C2orf42: variants seen among roughly 807,000 people sequenced by gnomAD.
C2orf42 encodes the protein chromosome 2 open reading frame 42, also known as uncharacterized protein C2orf42.
C2orf42 carries 44 observed loss-of-function variants against 58.9 expected under a neutral mutation model. The observed-to-expected ratio is 0.75, with a 90% CI of 0.59 to 0.96. The LOEUF is 0.96. Ranked by LOEUF, C2orf42 falls within the 40% of genes least tolerant of loss-of-function variation. The pLI is 0.00. For missense variants in C2orf42, 630 were observed against 699.2 expected (o/e 0.90, Z 1.12); for synonymous variants, 239 against 265.4 (o/e 0.90, Z 0.97).
At chr2:70,188,886 T>G (rs549519527) in intron 1 of C2orf42, among the ~76,000 whole-genome samples, 16 of 152,210 alleles carry the variant, frequency 1.1e-4, no homozygotes, top group Admixed American at 9.8e-4. Flanking sequence ...ATATTTTGAT[T>G]TGATATTCTG....
At chr2:70,161,292 G>A (rs1331195253) in intron 8 of C2orf42, among the ~76,000 whole-genome samples, 1 of 152,198 alleles carries the variant, frequency 6.6e-6, no homozygotes, top group East Asian at 1.9e-4. Flanking sequence ...CGGGCAAAAT[G>A]CAGTTAATGC....
chr2:70,152,927 G>C (rs1012669530), intron 9 of C2orf42, among the ~76,000 whole-genome samples: 1 of 151,860 alleles, frequency 6.6e-6, no homozygotes. Context: ...CAGCTACTCA[G>C]AAGGCTGAGA....
rs575321928 is a variant in C2orf42 at position 70,157,387 on chromosome 2, G to C, written c.1516+3238C>G. ...GAGAATGGCGTGAACCCCAGGGGGC[G>C]GAGCCTGCAGTGAGCCGAGATCGCA... On this transcript the variant is annotated intron_variant, in intron 9 of 9. Coordinates refer to ENST00000264434, the MANE Select transcript of C2orf42 (RefSeq NM_017880.3). 4.6e-5 allele frequency among the ~76,000 whole-genome samples: 7 copies of C among 152,116 alleles called. No individual in the cohort carries two copies. The South Asian group carries it at 1.0e-3, about 23-fold the overall frequency.
chr2:70,182,089 T>A, intron 2 of C2orf42, 92 bp from the exon 3 acceptor site: 1 of 652,036 alleles, frequency 1.5e-6, no homozygotes, highest in African/African-American at 1.8e-5. Context: ...AGGCAAAATA[T>A]AAAAAAGCTA....
intron 9 of C2orf42, among the ~76,000 whole-genome samples, chr2:70,153,458 A>T (rs1192207719): frequency 6.0e-5 from 9 of 149,136 alleles, no homozygotes; most frequent in Non-Finnish European, 1.3e-4. Context: ...TCCCAGGTTC[A>T]TGCCATTCTC....
intron 1 of C2orf42, among the ~76,000 whole-genome samples, chr2:70,189,904 A>G (rs1260864367): frequency 2.0e-5 from 3 of 151,852 alleles, no homozygotes; most frequent in Non-Finnish European, 4.4e-5. Flanking sequence ...AAAGTGCAGC[A>G]CTTTGTAATA....
At chr2:70,162,700 T>C (rs1673134100) in intron 8 of C2orf42, among the ~76,000 whole-genome samples, 2 of 152,026 alleles carry the variant, frequency 1.3e-5, no homozygotes. Context: ...CTTGAACTCC[T>C]GGCCTCAAGC....
intron 4 of C2orf42, among the ~76,000 whole-genome samples, chr2:70,178,171 G>C (rs1674315549): frequency 6.6e-6 from 1 of 152,184 alleles, no homozygotes; most frequent in Admixed American, 6.6e-5. Context: ...TTTGGAGTTT[G>C]GTCCATGGGT....
At position 70,165,170 on chromosome 2, in the gene C2orf42, C is replaced by A. The variant is rs1673315223; in HGVS notation, c.1275G>T (p.Leu425Phe). 6.2e-7 allele frequency: 1 copy of A among 1,606,050 alleles called. No individual in the cohort carries two copies. Among genetic ancestry groups the A allele is most frequent in the East Asian group, 2.2e-5 (1 of 44,810 alleles). Reference protein sequence around the residue: ...STTAFVRKDALPLGTFSKYTW... With the variant: ...STTAFVRKDAFPLGTFSKYTW... Reference sequence around the variant, plus strand: ...TATACTTGGAAAAGGTTCCCAGTGGCAAGGCATCTTTCCGAACAAAAGCTT... The same window carrying A: ...TATACTTGGAAAAGGTTCCCAGTGGAAAGGCATCTTTCCGAACAAAAGCTT... The change falls in exon 8 of 10, where the codon TTG (leucine) becomes TTT (phenylalanine). Residue 425 changes from leucine (L) to phenylalanine (F), a missense_variant. Physicochemically the swap from Leu to Phe is conservative, Grantham distance 22. Transcript: ENST00000264434.
chr2:70,163,804 C>A (rs561745045), intron 8 of C2orf42, among the ~76,000 whole-genome samples: 8 of 151,882 alleles, frequency 5.3e-5, no homozygotes, highest in African/African-American at 1.9e-4. Context: ...GAGCCGAGAT[C>A]GTGCCACTGC....
At chr2:70,179,470 A>G (rs1674404286) in intron 4 of C2orf42, 62 bp downstream of exon 4, 1 of 605,626 alleles carries the variant, frequency 1.7e-6, no homozygotes, top group Non-Finnish European at 3.0e-6. Flanking sequence ...AGTCAAAGAC[A>G]TAAAACGCAG....
chr2:70,155,016 C>T (rs1011611849), intron 9 of C2orf42, among the ~76,000 whole-genome samples: 5 of 151,890 alleles, frequency 3.3e-5, no homozygotes, highest in African/African-American at 7.3e-5. Context: ...GAGGCCAAGG[C>T]GGGCAGATCA....
Position 70,160,673 on chromosome 2 carries a change from T to C in C2orf42, c.1468A>G (p.Lys490Glu), listed in dbSNP as rs1672998584. 1 of 1,612,312 alleles carries C rather than the reference T, an allele frequency of 6.2e-7. No individual in the cohort carries two copies. The highest frequency in any genetic ancestry group is 2.2e-5 in the East Asian group (1 of 44,872). ...TCCAAGGGTCGCAGCACTGGTTGTT[T>C]TTCTATACGACCGTAGGTTTCTGCT... ...SIAETYGRIE[K>E]QPVLRPLELK... is the part of the protein sequence containing the mutation. The change falls in exon 9 of 10, where the codon AAA becomes GAA. Residue 490 changes from lysine (K) to glutamate (E), a missense_variant. Transcript: ENST00000264434.
chr2:70,180,073 C>G (rs141314120), intron 3 of C2orf42, among the ~76,000 whole-genome samples: 10,161 of 152,184 alleles, frequency 0.067, 462 homozygotes, highest in South Asian at 0.2. Context: ...GGGTGGATCA[C>G]CTGAGGTCAG....
At chr2:70,150,586 T>C (rs377389093) in intron 9 of C2orf42, 22 bp from the exon 10 acceptor site, 3 of 1,576,190 alleles carry the variant, frequency 1.9e-6, no homozygotes, top group Non-Finnish European at 2.6e-6. Flanking sequence ...AAAGGAGTAT[T>C]AGTACAATTC....
At chr2:70,167,356 T>C (rs1399265350) in intron 6 of C2orf42, among the ~76,000 whole-genome samples, 2 of 139,782 alleles carry the variant, frequency 1.4e-5, no homozygotes, top group African/African-American at 5.3e-5. Flanking sequence ...AGACTCTGTC[T>C]CAAAAAAAAA....
intron 9 of C2orf42, among the ~76,000 whole-genome samples, chr2:70,154,486 C>A (rs1369168636): frequency 6.9e-6 from 1 of 144,796 alleles, no homozygotes; most frequent in African/African-American, 2.6e-5. Flanking sequence ...CCGTAATAAC[C>A]CAAAGAGTGT....
At chr2:70,151,539 C>T (rs547201112) in intron 9 of C2orf42, among the ~76,000 whole-genome samples, 44 of 151,902 alleles carry the variant, frequency 2.9e-4, no homozygotes, top group Non-Finnish European at 5.7e-4. Flanking sequence ...GAGGCTAAGG[C>T]AGAAGAATCG....
In C2orf42 at chr2:70,165,646, CAAG is replaced by C; in HGVS notation, c.1145-14_1145-12del. ...ATGGTTCTGGTTTGCCTATGGGAAA[CAAG>C]AAGAAACAACTCATTTAAAGAAACT... On this transcript the variant is annotated splice_polypyrimidine_tract_variant and intron_variant, in intron 6 of 9. Coordinates refer to ENST00000264434, the MANE Select transcript of C2orf42 (RefSeq NM_017880.3). The C allele has an allele frequency of 7.0e-7, 1 of 1,423,590 alleles. No homozygotes were observed. The highest frequency in any genetic ancestry group is 1.4e-5 in the African/African-American group (1 of 70,970). 88.2% of individuals were successfully genotyped at this position (1,423,590 alleles called of 1,614,324 possible).
Sources: allele counts gnomAD v4.1 joint callset (sites outside exome capture counted in the v4.1 genomes callset), GRCh38; gene constraint gnomAD v4.1.1; transcripts MANE v1.5; gene names NCBI Gene and HGNC (gene_info 2026-07-23, HGNC 2026-07-21).